Variants in PCDHGB7 observed in about 807,000 individuals in gnomAD.
PCDHGB7 encodes the protein protocadherin gamma subfamily B, 7, also known as protocadherin gamma-B7.
Under a neutral mutation model 61.4 loss-of-function variants are expected in PCDHGB7, and 37 were observed. The observed-to-expected ratio is 0.60, with a 90% CI of 0.46 to 0.79. The LOEUF (loss-of-function observed/expected upper bound fraction) is 0.79. PCDHGB7 is among the 30% of genes least tolerant of loss of function. The pLI is 0.00. For missense variants in PCDHGB7, 1,166 were observed against 1,202.5 expected (o/e 0.97, Z 0.45); for synonymous variants, 464 against 503.5 (o/e 0.92, Z 1.05).
At position 141,511,247 on chromosome 5, in the gene PCDHGB7, C is replaced by A; in HGVS notation, c.*74C>A. The A allele has an allele frequency of 1.3e-6, 2 of 1,577,162 alleles. No individual in the cohort carries two copies. The highest frequency in any genetic ancestry group is 1.7e-6 in the Non-Finnish European group (2 of 1,161,712). On this transcript the variant is annotated 3_prime_UTR_variant, in exon 4 of 4. Transcript: ENST00000398594. Reference sequence around the variant, plus strand: ...CAGCTTCTCCTTACCTGCACCCAGGCCTCAGAGTTTCAGGGCTAACCCCCA... The same window carrying A: ...CAGCTTCTCCTTACCTGCACCCAGGACTCAGAGTTTCAGGGCTAACCCCCA...
intron 1 of PCDHGB7, chr5:141,433,104 A>G: frequency 6.2e-7 from 1 of 1,614,214 alleles, no homozygotes; most frequent in Non-Finnish European, 8.5e-7. Flanking sequence ...CTCGTCAGCC[A>G]GGAGAGCTTT....
intron 1 of PCDHGB7, among the ~76,000 whole-genome samples, chr5:141,438,625 TATATATATATACACACAC>T (rs1351180774): frequency 3.0e-4 from 14 of 46,412 alleles, no homozygotes; most frequent in Middle Eastern, 8.3e-3. Context: ...TATATATATA[TATATATATATACACACAC>T]ACACACACAT....
At chr5:141,500,252 A>G (rs2099798400) in intron 2 of PCDHGB7, among the ~76,000 whole-genome samples, 1 of 151,094 alleles carries the variant, frequency 6.6e-6, no homozygotes, top group East Asian at 1.9e-4. Flanking sequence ...TCTGTCACCC[A>G]GGCTGGACTG....
At position 141,486,190 on chromosome 5, in the gene PCDHGB7, T is replaced by A; in HGVS notation, c.2416-8617T>A. Reference sequence around the variant, plus strand: ...AGCAACATTGCAGCCTTCGAGTGGATCTGCTGGACGTAAATGACAATGCCC... The same window carrying A: ...AGCAACATTGCAGCCTTCGAGTGGAACTGCTGGACGTAAATGACAATGCCC... On this transcript the variant is annotated intron_variant, in intron 1 of 3. Transcript: ENST00000398594. The surrounding 1 kb of genome is among the most constrained non-coding windows in gnomAD (Gnocchi z 5.0). 1 of 1,614,122 alleles carries A rather than the reference T, an allele frequency of 6.2e-7. No individual in the cohort carries two copies. Among genetic ancestry groups the A allele is most frequent in the South Asian group, 1.1e-5 (1 of 91,070 alleles).
chr5:141,424,697 T>C (rs1467404367), intron 1 of PCDHGB7: 4 of 152,342 alleles, frequency 2.6e-5, no homozygotes, highest in South Asian at 4.1e-4. Context: ...GGCTATTTTT[T>C]TGTTCATTTT....
At chr5:141,506,247 G>A (rs113270457) in intron 3 of PCDHGB7, among the ~76,000 whole-genome samples, 8,033 of 152,078 alleles carry the variant, frequency 0.053, 470 homozygotes, top group African/African-American at 0.14. Flanking sequence ...TCAGGAGTTC[G>A]AAACCGGCCT....
At chr5:141,455,058 C>G (rs1350223657) in intron 1 of PCDHGB7, among the ~76,000 whole-genome samples, 9 of 151,814 alleles carry the variant, frequency 5.9e-5, no homozygotes, top group Admixed American at 5.9e-4. Context: ...GTGATCCGCC[C>G]GCCTCGGCCT....
chr5:141,427,556 C>A (rs1022143090), intron 1 of PCDHGB7: 7 of 649,144 alleles, frequency 1.1e-5, no homozygotes, highest in African/African-American at 1.1e-4. Flanking sequence ...CTGCCACTGA[C>A]AAGGGCAAGC....
At position 141,468,868 on chromosome 5, in the gene PCDHGB7, A is replaced by AAAT. The variant is rs993655754; in HGVS notation, c.2416-25921_2416-25919dup. Among the ~76,000 whole-genome samples, 30 of 151,912 alleles carry AAAT rather than the reference A, an allele frequency of 2.0e-4. No homozygotes were observed. The East Asian group carries it at 4.3e-3, about 22-fold the overall frequency. On this transcript the variant is annotated intron_variant, in intron 1 of 3. Coordinates refer to ENST00000398594, the MANE Select transcript of PCDHGB7 (RefSeq NM_018927.4). ...GCAACAGAGCGAGACTCCATCTCAAAAATAATAATAATAATAATAAGGTAC... is the reference window on the plus strand; with the variant it reads ...GCAACAGAGCGAGACTCCATCTCAAAAATAATAATAATAATAATAATAAGGTAC...
chr5:141,472,980 C>CAAAAAAAAAAAAAAAAAGAAAAAAAA (rs2099309731), intron 1 of PCDHGB7, among the ~76,000 whole-genome samples: 1 of 86,100 alleles, frequency 1.2e-5, no homozygotes, highest in African/African-American at 3.9e-5. Flanking sequence ...GAGTGAAACT[C>CAAAAAAAAAAAAAAAAAGAAAAAAAA]AAAAAAAAAA....
chr5:141,506,209 G>A (rs549403288), intron 3 of PCDHGB7, among the ~76,000 whole-genome samples: 3 of 152,284 alleles, frequency 2.0e-5, no homozygotes, highest in African/African-American at 7.2e-5. Context: ...CCAGCACTTT[G>A]GGAAGCTGAG....
intron 1 of PCDHGB7, chr5:141,478,485 G>C (rs2099459345): frequency 1.2e-6 from 2 of 1,613,204 alleles, no homozygotes; most frequent in East Asian, 4.5e-5. Flanking sequence ...AACACGCTGC[G>C]GAGCTGTGAT....
At chr5:141,442,205 A>G (rs2098308049) in intron 1 of PCDHGB7, 1 of 153,214 alleles carries the variant, frequency 6.5e-6, no homozygotes, top group Admixed American at 6.5e-5. Context: ...ATATCTGGTG[A>G]TTGCCTTAGC....
intron 1 of PCDHGB7, chr5:141,421,806 A>G: frequency 6.2e-7 from 1 of 1,613,842 alleles, no homozygotes; most frequent in Non-Finnish European, 8.5e-7. Context: ...CCAAGAATCC[A>G]GAGCTAGTAC....
chr5:141,496,513 G>A (rs1364297990), intron 2 of PCDHGB7, among the ~76,000 whole-genome samples: 1 of 152,140 alleles, frequency 6.6e-6, no homozygotes, highest in Non-Finnish European at 1.5e-5. Context: ...CAAGGACCCA[G>A]GAGCCCTTGG....
Position 141,431,706 on chromosome 5 carries a change from AG to A in PCDHGB7, c.2415+11433del. The A allele has an allele frequency of 6.2e-7, 1 of 1,614,248 alleles. No homozygotes were observed. The highest frequency in any genetic ancestry group is 8.5e-7 in the Non-Finnish European group (1 of 1,180,048). ...GACCACGAGGAGTCAGGATTCTACC[AG>A]ATGGAAGTGCAAGCAATGGATAATG... On this transcript the variant is annotated intron_variant, in intron 1 of 3. Coordinates refer to ENST00000398594, the MANE Select transcript of PCDHGB7 (RefSeq NM_018927.4). This position sits in a 1 kb window ranked among gnomAD's most constrained non-coding sequence, Gnocchi z 4.8.
rs926009065 is a variant in PCDHGB7, at chr5:141,488,023, AG to A, written c.2416-6782del. ...TCAGATTCTGAAGTACCTTAACTCT[AG>A]GTTACCATTTCCCAAGGGATTGAGG... On this transcript the variant is annotated intron_variant, in intron 1 of 3. Transcript: ENST00000398594. 1.4e-3 allele frequency among the ~76,000 whole-genome samples: 213 copies of A among 152,260 alleles called. 1 individual carries two copies. The highest frequency in any genetic ancestry group is 5.0e-3 in the African/African-American group (208 of 41,542).
intron 3 of PCDHGB7, among the ~76,000 whole-genome samples, chr5:141,509,504 C>T (rs534951697): frequency 4.7e-4 from 72 of 152,246 alleles, no homozygotes; most frequent in Non-Finnish European, 8.4e-4. Flanking sequence ...CTGGATGTGA[C>T]GGTGTTGATG....
At position 141,420,439 on chromosome 5, in the gene PCDHGB7, C is replaced by T. The variant is rs2096496531; in HGVS notation, c.2415+165C>T. ...TTAAAACAAAAGTTTAAATTAAATGCCTCAGTCTTCCTACTATTCAAAGAC... is the reference window on the plus strand; with the variant it reads ...TTAAAACAAAAGTTTAAATTAAATGTCTCAGTCTTCCTACTATTCAAAGAC... On this transcript the variant is annotated intron_variant, in intron 1 of 3. Coordinates refer to ENST00000398594, the MANE Select transcript of PCDHGB7 (RefSeq NM_018927.4). 10 of 1,073,160 alleles carry T rather than the reference C, an allele frequency of 9.3e-6. No individual in the cohort carries two copies. In the South Asian group the frequency reaches 2.0e-4, roughly 22 times the overall value. The allele number at this position is 1,073,160 out of a possible 1,614,324, so 66.5% of individuals were successfully genotyped here.
Sources: allele counts gnomAD v4.1 joint callset (sites outside exome capture counted in the v4.1 genomes callset), GRCh38; gene constraint gnomAD v4.1.1; non-coding constraint Gnocchi (gnomAD v3.1); transcripts MANE v1.5; gene names NCBI Gene and HGNC (gene_info 2026-07-23, HGNC 2026-07-21).